Variants in COL17A1 observed in about 807,000 individuals in gnomAD.
COL17A1 encodes collagen alpha-1(XVII) chain.
A neutral mutation model predicts 218.4 loss-of-function variants in COL17A1; 181 were observed. The ratio of observed to expected loss-of-function variants is 0.83; its 90% CI spans 0.73 to 0.94. The LOEUF (loss-of-function observed/expected upper bound fraction) is 0.94. Ranked by LOEUF, COL17A1 falls within the 40% of genes least tolerant of loss-of-function variation. COL17A1 has a pLI of 0.00. For synonymous variants in COL17A1, 721 were observed against 731.0 expected (o/e 0.99, Z 0.22); for missense variants, 1,924 against 1,945.9 (o/e 0.99, Z 0.21).
chr10:104,032,307 C>CAGT lies in COL17A1; in HGVS notation c.4439-20_4439-18dup. 1 of 1,611,874 alleles carries CAGT rather than the reference C, an allele frequency of 6.2e-7. No individual in the cohort carries two copies. The highest frequency in any genetic ancestry group is 8.5e-7 in the Non-Finnish European group (1 of 1,177,946). On this transcript the variant is annotated splice_polypyrimidine_tract_variant and intron_variant, in intron 55 of 55. Transcript: ENST00000648076. ...CTTGGTCACCTGAAAGTTAGAAGAT[C>CAGT]AGTAGGAAGTTAAAACATATCTTGT... is the stretch of plus-strand genomic sequence containing the variant.
At chr10:104,077,906 G>T (rs901301399) in intron 3 of COL17A1, among the ~76,000 whole-genome samples, 1 of 152,350 alleles carries the variant, frequency 6.6e-6, no homozygotes, top group East Asian at 1.9e-4. Flanking sequence ...TGCCTGGTCA[G>T]TGCCCAGGCA....
At chr10:104,061,749 C>A (rs917420648) in intron 12 of COL17A1, among the ~76,000 whole-genome samples, 14 of 152,204 alleles carry the variant, frequency 9.2e-5, no homozygotes, top group African/African-American at 1.2e-4. Flanking sequence ...ACCTGCTCTG[C>A]ATGGCCTATC....
At chr10:104,032,645 A>G (rs749138391) in intron 55 of COL17A1, 29 bp downstream of exon 55, 15 of 1,604,622 alleles carry the variant, frequency 9.3e-6, no homozygotes, top group Non-Finnish European at 1.2e-5. Context: ...CCTCCAGAAC[A>G]TGCAAAACGT....
At chr10:104,040,963 G>A in intron 39 of COL17A1, 102 bp downstream of exon 39, 1 of 1,263,106 alleles carries the variant, frequency 7.9e-7, no homozygotes, top group African/African-American at 1.5e-5. Context: ...TCAGGAGCAG[G>A]AAGCCTGGTG....
At chr10:104,072,135 CCTGACA>C (rs1485985896) in intron 7 of COL17A1, 56 bp from the exon 8 acceptor site, 1 of 1,611,266 alleles carries the variant, frequency 6.2e-7, no homozygotes, top group Non-Finnish European at 8.5e-7. Flanking sequence ...GATCACAATC[CCTGACA>C]CTGAACTCCT....
intron 35 of COL17A1, 41 bp from the exon 36 acceptor site, chr10:104,042,496 G>A (rs370207338): frequency 5.6e-6 from 9 of 1,605,342 alleles, no homozygotes; most frequent in Non-Finnish European, 7.7e-6. Flanking sequence ...AATCATGCAT[G>A]TAGGGTCATA....
At chr10:104,067,257 C>T (rs187386527) in intron 9 of COL17A1, among the ~76,000 whole-genome samples, 23 of 140,674 alleles carry the variant, frequency 1.6e-4, no homozygotes, top group African/African-American at 6.1e-4. Context: ...TTCAAGGACA[C>T]AGAATGTCTC....
rs1234512125 is a variant in COL17A1, at chr10:104,064,600, GA to G, written c.608-5del. 4 of 1,611,478 alleles carry G rather than the reference GA, an allele frequency of 2.5e-6. No homozygotes were observed. The Admixed American group carries it at 6.7e-5, about 27-fold the overall frequency. ...GTTGCATCGTAGGTGCCTGACACTG[GA>G]AACAGACACATGCACACACCCCAGT... On this transcript the variant is annotated splice_polypyrimidine_tract_variant and splice_region_variant and intron_variant, in intron 9 of 55. Transcript: ENST00000648076.
rs757821643 is a variant in COL17A1 at position 104,055,421 on chromosome 10, C to T, written c.1688-20G>A. On this transcript the variant is annotated intron_variant, in intron 18 of 55. Coordinates refer to ENST00000648076, the MANE Select transcript of COL17A1 (RefSeq NM_000494.4). ...GATTTCCTGCAAGAAAAAGCAAATCCTGAGTCAGCTTCACATCTCCTGTCA... is the reference window on the plus strand; with the variant it reads ...GATTTCCTGCAAGAAAAAGCAAATCTTGAGTCAGCTTCACATCTCCTGTCA... The T allele has an allele frequency of 5.0e-6, 8 of 1,607,766 alleles. No individual in the cohort carries two copies. In the East Asian group the frequency reaches 1.8e-4, roughly 36 times the overall value.
intron 10 of COL17A1, among the ~76,000 whole-genome samples, chr10:104,064,057 G>A (rs2086604974): frequency 6.6e-6 from 1 of 152,252 alleles, no homozygotes; most frequent in South Asian, 2.1e-4. Context: ...GGAGTGGACA[G>A]TGGGTCCAGC....
chr10:104,052,283 A>G lies in COL17A1; in HGVS notation c.1940-66T>C, dbSNP rs946107664. 17 of 1,602,532 alleles carry G rather than the reference A, an allele frequency of 1.1e-5. No individual in the cohort carries two copies. The African/African-American group carries it at 2.3e-4, about 21-fold the overall frequency. ...CAGTGTGGCTGCCCCCTATCCTGGC[A>G]CTGTCATTTGGAGGGGATGCTTCCC... On this transcript the variant is annotated intron_variant, in intron 23 of 55. Coordinates refer to ENST00000648076, the MANE Select transcript of COL17A1 (RefSeq NM_000494.4).
rs1362231719 is a variant in COL17A1 at position 104,059,722 on chromosome 10, T to C, written c.1142-4A>G. The C allele has an allele frequency of 1.7e-5, 28 of 1,614,034 alleles. No individual in the cohort carries two copies. Among genetic ancestry groups the C allele is most frequent in the Non-Finnish European group, 2.4e-5 (28 of 1,179,886 alleles). On this transcript the variant is annotated splice_region_variant and splice_polypyrimidine_tract_variant and intron_variant, in intron 14 of 55. Transcript: ENST00000648076. ...AGGGTGTCTTCTGAAAAAGAAGCTA[T>C]GTACAGAACCCATTATAACCTGGCA...
intron 36 of COL17A1, 92 bp downstream of exon 36, chr10:104,042,328 G>A (rs1404567185): frequency 1.5e-5 from 21 of 1,387,558 alleles, no homozygotes; most frequent in Non-Finnish European, 2.0e-5. Context: ...CACCTTTCAC[G>A]TCATCTAGAA....
Position 104,057,140 on chromosome 10 carries a change from C to T in COL17A1, c.1300G>A (p.Gly434Ser). 6.2e-7 allele frequency: 1 copy of T among 1,608,956 alleles called. No individual in the cohort carries two copies. The highest frequency in any genetic ancestry group is 8.5e-7 in the Non-Finnish European group (1 of 1,176,318). ...IHSYGSSGGG[G>S]SGGGGGVGGA... Reference sequence around the variant, plus strand: ...CCAACACCGCCACCTCCTCCACTGCCACCACCACCACTGCTGCCGTAGCTG... The same window carrying T: ...CCAACACCGCCACCTCCTCCACTGCTACCACCACCACTGCTGCCGTAGCTG... The change falls in exon 17 of 56, where the codon GGC (glycine) becomes AGC (serine). Residue 434 changes from glycine (G) to serine (S), a missense_variant. Coordinates refer to ENST00000648076, the MANE Select transcript of COL17A1 (RefSeq NM_000494.4).
chr10:104,045,869 T>A, intron 32 of COL17A1, 76 bp from the exon 33 acceptor site: 1 of 1,188,788 alleles, frequency 8.4e-7, no homozygotes, highest in Non-Finnish European at 1.3e-6. Flanking sequence ...TCACTAGTGC[T>A]CCGTCACTCA....
intron 17 of COL17A1, among the ~76,000 whole-genome samples, chr10:104,056,581 C>CA (rs67209277): frequency 6.7e-5 from 10 of 149,784 alleles, no homozygotes; most frequent in East Asian, 5.9e-4. Context: ...GACGCCGTCT[C>CA]AAAAAAAAAA....
intron 48 of COL17A1, among the ~76,000 whole-genome samples, chr10:104,036,087 G>GGTGTGTGTGTGTATGGGAGT (rs2086289839): frequency 1.0e-4 from 1 of 9,994 alleles, no homozygotes; most frequent in Non-Finnish European, 2.3e-4. Context: ...AGTGTGTATG[G>GGTGTGTGTGTGTATGGGAGT]GAGTGTGTGT....
intron 1 of COL17A1, among the ~76,000 whole-genome samples, chr10:104,083,873 C>T (rs1564689212): frequency 6.6e-6 from 1 of 152,180 alleles, no homozygotes; most frequent in East Asian, 1.9e-4. Flanking sequence ...TAATGAATTG[C>T]AAGTATTTTT....
Position 104,053,984 on chromosome 10 carries a change from T to C in COL17A1, c.1772-2A>G. On this transcript the variant is annotated splice_acceptor_variant, in intron 21 of 55. Transcript: ENST00000648076. LOFTEE classifies it high-confidence loss of function. ...GGTGGCCCAAGGGCCCAGGGATACC[T>C]GTGAACACACAAGGATATCTCAGCC... 6.2e-7 allele frequency: 1 copy of C among 1,612,586 alleles called. No individual in the cohort carries two copies. The highest frequency in any genetic ancestry group is 8.5e-7 in the Non-Finnish European group (1 of 1,178,530).
Sources: allele counts gnomAD v4.1 joint callset (sites outside exome capture counted in the v4.1 genomes callset), GRCh38; gene constraint gnomAD v4.1.1; transcripts MANE v1.5; gene names NCBI Gene and HGNC (gene_info 2026-07-23, HGNC 2026-07-21).